Variants in SHISA6 observed in about 807,000 individuals in gnomAD.
SHISA6 encodes protein shisa-6.
SHISA6 carries 22 observed loss-of-function variants against 47.9 expected under a neutral mutation model. That is an observed-to-expected ratio of 0.46 (90% CI 0.33 to 0.66). The LOEUF (loss-of-function observed/expected upper bound fraction) is 0.66, where lower values mean the gene tolerates loss of function less well. SHISA6 is among the 30% of genes least tolerant of loss of function. SHISA6 has a pLI of 0.02. For missense variants in SHISA6, 680 were observed against 764.6 expected, an observed-to-expected ratio of 0.89 and a Z score of 1.30; for synonymous variants, 388 against 337.8, an observed-to-expected ratio of 1.15 and a Z score of -1.63.
intron 2 of SHISA6, among the ~76,000 whole-genome samples, chr17:11,285,724 G>A (rs1597439908): frequency 1.3e-5 from 2 of 152,190 alleles, no homozygotes; most frequent in East Asian, 1.9e-4. Flanking sequence ...ACAGATTAGC[G>A]TAGCTGGGAA....
At chr17:11,274,835 C>T (rs1390037822) in intron 2 of SHISA6, among the ~76,000 whole-genome samples, 1 of 152,140 alleles carries the variant, frequency 6.6e-6, no homozygotes, top group Non-Finnish European at 1.5e-5. Context: ...GCCACATGCT[C>T]AGAACGCTCA....
chr17:11,538,051 T>C (rs1342708110), intron 3 of SHISA6, among the ~76,000 whole-genome samples: 1 of 152,076 alleles, frequency 6.6e-6, no homozygotes, highest in Non-Finnish European at 1.5e-5. Flanking sequence ...AACCTGAGTT[T>C]GTTGTTGTTG....
At chr17:11,278,813 T>C (rs1211892123) in intron 2 of SHISA6, among the ~76,000 whole-genome samples, 2 of 152,210 alleles carry the variant, frequency 1.3e-5, no homozygotes, top group African/African-American at 2.4e-5. Context: ...TAGATAAGCC[T>C]GCACTTTAAT....
chr17:11,424,755 G>A (rs1280046082), intron 3 of SHISA6, among the ~76,000 whole-genome samples: 1 of 151,960 alleles, frequency 6.6e-6, no homozygotes, highest in Non-Finnish European at 1.5e-5. Context: ...TGTAATCCCA[G>A]CACTTTGGGA....
intron 2 of SHISA6, among the ~76,000 whole-genome samples, chr17:11,369,956 A>G (rs938124818): frequency 9.9e-5 from 15 of 152,224 alleles, no homozygotes; most frequent in Non-Finnish European, 1.6e-4. Context: ...AATCAAAGAC[A>G]CTGACTTTAG....
chr17:11,301,048 T>A (rs1342416669), intron 2 of SHISA6, among the ~76,000 whole-genome samples: 1 of 152,088 alleles, frequency 6.6e-6, no homozygotes, highest in Admixed American at 6.6e-5. Flanking sequence ...CAAAAGAACT[T>A]CTCCAGTACA....
intron 3 of SHISA6, among the ~76,000 whole-genome samples, chr17:11,444,363 T>G (rs971934068): frequency 2.0e-5 from 3 of 151,994 alleles, no homozygotes; most frequent in African/African-American, 7.3e-5. Context: ...AAAATTAAAT[T>G]TTTGTCTGTT....
chr17:11,326,207 C>T (rs1241692952), intron 2 of SHISA6, among the ~76,000 whole-genome samples: 1 of 150,726 alleles, frequency 6.6e-6, no homozygotes, highest in African/African-American at 2.4e-5. Flanking sequence ...GGAGGTGGAG[C>T]TTGCAGTGAG....
intron 2 of SHISA6, among the ~76,000 whole-genome samples, chr17:11,324,463 C>G (rs1910808700): frequency 6.6e-6 from 1 of 152,200 alleles, no homozygotes; most frequent in Admixed American, 6.5e-5. Context: ...CAGACAGGGC[C>G]CCTGACCTCG....
intron 3 of SHISA6, among the ~76,000 whole-genome samples, chr17:11,439,179 T>C (rs1597513864): frequency 6.6e-6 from 1 of 151,968 alleles, no homozygotes; most frequent in East Asian, 1.9e-4. Flanking sequence ...CCCAAGAAAA[T>C]CCTTCAAAGA....
At chr17:11,289,373 A>G (rs529113687) in intron 2 of SHISA6, 9 of 152,032 alleles carry the variant, frequency 5.9e-5, no homozygotes, top group Admixed American at 5.2e-4. Flanking sequence ...ACTGTCCTCT[A>G]TCATGATTTT....
At chr17:11,319,161 C>G (rs888681270) in intron 2 of SHISA6, among the ~76,000 whole-genome samples, 1 of 151,742 alleles carries the variant, frequency 6.6e-6, no homozygotes, top group Non-Finnish European at 1.5e-5. Context: ...TCACTGCAAC[C>G]TCCGCCTCCC....
chr17:11,291,249 A>G (rs1306903349), intron 2 of SHISA6, among the ~76,000 whole-genome samples: 2 of 151,616 alleles, frequency 1.3e-5, no homozygotes, highest in Non-Finnish European at 3.0e-5. Flanking sequence ...GGATGCGATC[A>G]TAAGTTACTG....
intron 3 of SHISA6, among the ~76,000 whole-genome samples, chr17:11,548,450 T>TAC (rs1305472079): frequency 6.6e-6 from 1 of 151,392 alleles, no homozygotes; most frequent in African/African-American, 2.4e-5. Context: ...CATATATATA[T>TAC]ATATATATAC....
chr17:11,450,395 G>A lies in SHISA6; in HGVS notation c.895+70886G>A, dbSNP rs139270590. Among the ~76,000 whole-genome samples, 897 of 152,166 alleles carry A rather than the reference G, an allele frequency of 5.9e-3. 19 individuals are homozygous for A. In the East Asian group the frequency reaches 0.062, roughly 11 times the overall value. Reference sequence around the variant, plus strand: ...TCCAAGGTCGGGCGCAGTGGCTCACGCCTGTAATCCGGGCACTTTGGGAGG... The same window carrying A: ...TCCAAGGTCGGGCGCAGTGGCTCACACCTGTAATCCGGGCACTTTGGGAGG... On this transcript the variant is annotated intron_variant, in intron 3 of 5. Transcript: ENST00000441885.
At chr17:11,444,621 G>A (rs1915184496) in intron 3 of SHISA6, among the ~76,000 whole-genome samples, 1 of 152,110 alleles carries the variant, frequency 6.6e-6, no homozygotes, top group Non-Finnish European at 1.5e-5. Context: ...AATAATTTGA[G>A]CCCCAAATCT....
At chr17:11,545,092 C>A (rs1424332262) in intron 3 of SHISA6, among the ~76,000 whole-genome samples, 4 of 151,538 alleles carry the variant, frequency 2.6e-5, no homozygotes, top group Non-Finnish European at 5.9e-5. Flanking sequence ...TTGACAGCAT[C>A]TCCATTCATA....
chr17:11,553,514 C>T (rs1313755819), intron 4 of SHISA6, among the ~76,000 whole-genome samples: 1 of 152,152 alleles, frequency 6.6e-6, no homozygotes, highest in East Asian at 1.9e-4. Flanking sequence ...GTTGATGAGA[C>T]CTGGTCCCTG....
intron 2 of SHISA6, among the ~76,000 whole-genome samples, chr17:11,272,096 C>A (rs76900016): frequency 0.039 from 5,992 of 152,200 alleles, 318 homozygotes; most frequent in African/African-American, 0.12. Context: ...CTACCAGGCA[C>A]CCTCCTTCCC....
Sources: gnomAD v4.1 joint callset for allele counts (sites outside exome capture counted in the v4.1 genomes callset) on GRCh38, gnomAD v4.1.1 for gene constraint, MANE v1.5 for transcripts, NCBI Gene and HGNC (gene_info 2026-07-23, HGNC 2026-07-21) for gene names.